Variants in CADM1 observed in about 807,000 individuals in gnomAD.
CADM1 encodes the protein TSLC-1.
A neutral mutation model predicts 53.1 loss-of-function variants in CADM1; 15 were observed. The ratio of observed to expected loss-of-function variants is 0.28; its 90% CI spans 0.19 to 0.44. The LOEUF (loss-of-function observed/expected upper bound fraction) is 0.44. Among genes scored for constraint, CADM1 ranks in the 20% least tolerant of loss-of-function variants. The pLI is 1.00. For synonymous variants in CADM1, 281 were observed against 243.0 expected (o/e 1.16, Z -1.45); for missense variants, 434 against 611.3 (o/e 0.71, Z 3.06).
chr11:115,371,692 G>A (rs1409400049), intron 1 of CADM1, among the ~76,000 whole-genome samples: 1 of 145,606 alleles, frequency 6.9e-6, no homozygotes, highest in Non-Finnish European at 1.5e-5. Context: ...AGGCTGGAGT[G>A]CAATGGTGCG....
At chr11:115,218,193 T>C (rs757607934) in intron 5 of CADM1, 3 of 571,716 alleles carry the variant, frequency 5.2e-6, no homozygotes, top group African/African-American at 3.7e-5. Context: ...GAACCGCAAA[T>C]AGATAAGAGA....
chr11:115,331,962 A>G (rs1945141303), intron 1 of CADM1, among the ~76,000 whole-genome samples: 1 of 151,552 alleles, frequency 6.6e-6, no homozygotes, highest in Non-Finnish European at 1.5e-5. Context: ...TATTCTACAT[A>G]CATTTATTGA....
At chr11:115,393,834 A>C (rs1946911432) in intron 1 of CADM1, among the ~76,000 whole-genome samples, 1 of 152,198 alleles carries the variant, frequency 6.6e-6, no homozygotes, top group Non-Finnish European at 1.5e-5. Flanking sequence ...CCATGAATAT[A>C]AACTAAAGTT....
intron 1 of CADM1, among the ~76,000 whole-genome samples, chr11:115,303,748 G>A (rs997294525): frequency 6.6e-5 from 10 of 151,962 alleles, no homozygotes; most frequent in African/African-American, 1.2e-4. Context: ...GTGCCCTACC[G>A]GGAGATGGGA....
At chr11:115,432,295 G>A (rs1948075601) in intron 1 of CADM1, among the ~76,000 whole-genome samples, 1 of 152,136 alleles carries the variant, frequency 6.6e-6, no homozygotes, top group Non-Finnish European at 1.5e-5. Context: ...TGAGGGCCAA[G>A]TCTGCTTTCG....
At chr11:115,353,772 G>A (rs1005450318) in intron 1 of CADM1, among the ~76,000 whole-genome samples, 2 of 152,174 alleles carry the variant, frequency 1.3e-5, no homozygotes, top group African/African-American at 2.4e-5. Flanking sequence ...ATTGGGAAAG[G>A]AGGGTGGTAA....
chr11:115,320,191 C>A (rs1272261788), intron 1 of CADM1, among the ~76,000 whole-genome samples: 1 of 152,058 alleles, frequency 6.6e-6, no homozygotes, highest in East Asian at 1.9e-4. Context: ...GGCTCCCGAG[C>A]AGCTGGGAGT....
chr11:115,441,916 G>T (rs981421342), intron 1 of CADM1, among the ~76,000 whole-genome samples: 1 of 151,928 alleles, frequency 6.6e-6, no homozygotes, highest in African/African-American at 2.4e-5. Flanking sequence ...AAGCTGATGA[G>T]AACAATACAC....
chr11:115,269,787 C>T (rs1427705930), intron 1 of CADM1, among the ~76,000 whole-genome samples: 1 of 152,182 alleles, frequency 6.6e-6, no homozygotes, highest in African/African-American at 2.4e-5. Flanking sequence ...CCTCTGCAAA[C>T]TGAAAGAATC....
At chr11:115,247,659 T>A (rs1388082006) in intron 1 of CADM1, among the ~76,000 whole-genome samples, 1 of 152,224 alleles carries the variant, frequency 6.6e-6, no homozygotes, top group Non-Finnish European at 1.5e-5. Context: ...ACTCAGGGTC[T>A]AACTCAACAG....
chr11:115,179,063 A>C, intron 10 of CADM1: 2 of 420,798 alleles, frequency 4.8e-6, no homozygotes, highest in Non-Finnish European at 9.0e-6. Flanking sequence ...TCCGGCCCTG[A>C]CCTAGTCTTA....
chr11:115,503,254 C>A (rs977724115), intron 1 of CADM1, among the ~76,000 whole-genome samples: 1 of 152,220 alleles, frequency 6.6e-6, no homozygotes, highest in Non-Finnish European at 1.5e-5. Context: ...ACCGCGCCAA[C>A]GCGCCCGGCA....
chr11:115,368,059 A>G (rs1424649495), intron 1 of CADM1, among the ~76,000 whole-genome samples: 1 of 139,882 alleles, frequency 7.1e-6, no homozygotes. Flanking sequence ...TTCCTCTCAC[A>G]TTTCATTAAA....
At chr11:115,478,561 T>C (rs1278658076) in intron 1 of CADM1, among the ~76,000 whole-genome samples, 1 of 151,616 alleles carries the variant, frequency 6.6e-6, no homozygotes, top group Non-Finnish European at 1.5e-5. Context: ...AATACAGCTT[T>C]GTATCTTCTC....
chr11:115,186,876 C>T (rs1268096992), intron 10 of CADM1, among the ~76,000 whole-genome samples: 1 of 152,166 alleles, frequency 6.6e-6, no homozygotes, highest in East Asian at 1.9e-4. Flanking sequence ...GTCTGTCTCC[C>T]TCAGTAGGGT....
chr11:115,453,710 GC>G (rs2135355265), intron 1 of CADM1, among the ~76,000 whole-genome samples: 1 of 152,204 alleles, frequency 6.6e-6, no homozygotes, highest in East Asian at 1.9e-4. Context: ...TGTTGGCCAG[GC>G]TGGGCTCAAA....
chr11:115,384,548 T>C (rs941510240), intron 1 of CADM1, among the ~76,000 whole-genome samples: 8 of 152,192 alleles, frequency 5.3e-5, no homozygotes, highest in African/African-American at 1.9e-4. Context: ...AAATGCTTCT[T>C]TGCAACTGGG....
intron 1 of CADM1, among the ~76,000 whole-genome samples, chr11:115,298,147 C>T (rs928395589): frequency 2.6e-5 from 4 of 152,192 alleles, no homozygotes; most frequent in Admixed American, 2.0e-4. Flanking sequence ...GAGACTTAGA[C>T]ACAAGTCTCA....
At chr11:115,303,036 T>C (rs1281313609) in intron 1 of CADM1, among the ~76,000 whole-genome samples, 8 of 152,000 alleles carry the variant, frequency 5.3e-5, no homozygotes, top group Non-Finnish European at 8.8e-5. Context: ...ATGAGCAGAG[T>C]GTATGCTGCT....
Sources: allele counts gnomAD v4.1 joint callset (sites outside exome capture counted in the v4.1 genomes callset), GRCh38; gene constraint gnomAD v4.1.1; transcripts MANE v1.5; gene names NCBI Gene and HGNC (gene_info 2026-07-23, HGNC 2026-07-21).